The following SLC25A21 variants were observed in gnomAD, a reference collection of about 807,000 sequenced individuals.
SLC25A21 encodes the protein solute carrier family 25 member 21, also known as mitochondrial 2-oxodicarboxylate carrier.
A neutral mutation model predicts 43.8 loss-of-function variants in SLC25A21; 47 were observed. That is an observed-to-expected ratio of 1.07 (90% CI 0.85 to 1.37). SLC25A21 has a LOEUF of 1.37. Among genes scored for constraint, SLC25A21 ranks in the 40% most tolerant of loss-of-function variants. The pLI, the probability that SLC25A21 is intolerant of heterozygous loss-of-function variation, is 0.00. For missense variants in SLC25A21, 352 were observed against 350.2 expected, an observed-to-expected ratio of 1.00 and a Z score of -0.04; for synonymous variants, 131 against 121.3, an observed-to-expected ratio of 1.08 and a Z score of -0.52.
At chr14:36,985,681 T>A (rs76251030) in intron 1 of SLC25A21, among the ~76,000 whole-genome samples, 2,987 of 152,296 alleles carry the variant, frequency 0.02, 96 homozygotes, top group African/African-American at 0.068. Flanking sequence ...ACATTGCTGT[T>A]TCTTCATTTA....
At chr14:36,801,976 G>C (rs1453720226) in intron 3 of SLC25A21, among the ~76,000 whole-genome samples, 1 of 152,154 alleles carries the variant, frequency 6.6e-6, no homozygotes, top group Non-Finnish European at 1.5e-5. Flanking sequence ...TCATTTGCCA[G>C]CGGCGAAGTG....
At chr14:36,736,691 G>C (rs998758113) in intron 3 of SLC25A21, among the ~76,000 whole-genome samples, 1 of 152,182 alleles carries the variant, frequency 6.6e-6, no homozygotes, top group East Asian at 1.9e-4. Context: ...CAGATCAACA[G>C]AGGAACTTGA....
At chr14:36,968,658 T>C (rs1359812973) in intron 1 of SLC25A21, among the ~76,000 whole-genome samples, 1 of 152,160 alleles carries the variant, frequency 6.6e-6, no homozygotes, top group Admixed American at 6.6e-5. Flanking sequence ...CCAACTGTTT[T>C]GTCTCCTGAG....
intron 3 of SLC25A21, among the ~76,000 whole-genome samples, chr14:36,788,436 G>C (rs1887328617): frequency 6.6e-6 from 1 of 150,724 alleles, no homozygotes; most frequent in Non-Finnish European, 1.5e-5. Flanking sequence ...AAAGAGTGGC[G>C]ATCATGAAAG....
At chr14:36,706,735 C>A (rs1357787507) in intron 7 of SLC25A21, among the ~76,000 whole-genome samples, 7 of 152,194 alleles carry the variant, frequency 4.6e-5, no homozygotes, top group African/African-American at 1.7e-4. Flanking sequence ...CCACATCCTG[C>A]AGATTCTGCC....
chr14:36,821,702 A>C (rs1473169160), intron 2 of SLC25A21, among the ~76,000 whole-genome samples: 1 of 152,146 alleles, frequency 6.6e-6, no homozygotes, highest in Non-Finnish European at 1.5e-5. Flanking sequence ...CTGTTATCCC[A>C]GCTACTCAGG....
At chr14:37,069,869 A>G (rs1213710100) in intron 1 of SLC25A21, among the ~76,000 whole-genome samples, 1 of 152,190 alleles carries the variant, frequency 6.6e-6, no homozygotes, top group African/African-American at 2.4e-5. Flanking sequence ...GCTCAAGAAA[A>G]GGCTTGACAC....
At chr14:36,730,979 T>G (rs949325151) in intron 4 of SLC25A21, among the ~76,000 whole-genome samples, 2 of 151,784 alleles carry the variant, frequency 1.3e-5, no homozygotes, top group East Asian at 1.9e-4. Flanking sequence ...TTAGGTTTTT[T>G]TTTTTTTTTT....
chr14:36,894,242 G>A (rs189101135), intron 1 of SLC25A21, among the ~76,000 whole-genome samples: 2 of 151,926 alleles, frequency 1.3e-5, no homozygotes, highest in African/African-American at 2.4e-5. Context: ...TTCTCCTTGA[G>A]GAGGTCCTTC....
chr14:36,912,292 C>T lies in SLC25A21; in HGVS notation c.71-37288G>A, dbSNP rs544945082. On this transcript the variant is annotated intron_variant, in intron 1 of 9. Transcript: ENST00000331299. ...GCTAAGCAGTCTACATACTTTTGTTCTCCACGGCCACCAGATATGAGAATG... is the reference window on the plus strand; with the variant it reads ...GCTAAGCAGTCTACATACTTTTGTTTTCCACGGCCACCAGATATGAGAATG... Among the ~76,000 whole-genome samples, 4 of 152,276 alleles carry T rather than the reference C, an allele frequency of 2.6e-5. No individual in the cohort carries two copies. The East Asian group carries it at 7.7e-4, about 29-fold the overall frequency.
intron 1 of SLC25A21, chr14:36,952,344 T>C (rs922168010): frequency 9.1e-5 from 14 of 153,808 alleles, no homozygotes; most frequent in African/African-American, 3.4e-4. Context: ...TAGAAACAAA[T>C]AGAAATTTAT....
intron 2 of SLC25A21, among the ~76,000 whole-genome samples, chr14:36,825,325 G>T (rs115027053): frequency 6.6e-6 from 1 of 152,030 alleles, no homozygotes; most frequent in Non-Finnish European, 1.5e-5. Flanking sequence ...ATTATGTCAT[G>T]AACGCATACT....
chr14:37,031,557 T>A (rs188622682), intron 1 of SLC25A21, among the ~76,000 whole-genome samples: 78 of 152,304 alleles, frequency 5.1e-4, no homozygotes, highest in African/African-American at 1.8e-3. Flanking sequence ...GGTATCTCAT[T>A]ACTTGATGTT....
chr14:36,873,929 CA>C (rs1890446095), intron 2 of SLC25A21, among the ~76,000 whole-genome samples: 1 of 152,100 alleles, frequency 6.6e-6, no homozygotes. Flanking sequence ...TCCTAGCCAC[CA>C]AAACTGTAAA....
In SLC25A21 at chr14:36,922,274, T is replaced by C. The variant is rs533341297; in HGVS notation, c.71-47270A>G. Among the ~76,000 whole-genome samples the C allele has an allele frequency of 7.9e-5, 12 of 152,234 alleles. No individual in the cohort carries two copies. In the South Asian group the frequency reaches 2.5e-3, roughly 32 times the overall value. ...AACTGGACAAAATATGGAGCAACTA[T>C]TTTCAGAAAATGGATAAGCGGCAGT... is the stretch of plus-strand genomic sequence containing the variant. On this transcript the variant is annotated intron_variant, in intron 1 of 9. Coordinates refer to ENST00000331299, the MANE Select transcript of SLC25A21 (RefSeq NM_030631.4).
intron 1 of SLC25A21, among the ~76,000 whole-genome samples, chr14:37,137,606 C>T (rs1371839809): frequency 6.6e-6 from 1 of 152,068 alleles, no homozygotes; most frequent in African/African-American, 2.4e-5. Flanking sequence ...ATCATTTGTG[C>T]CAGCTGCCTG....
intron 2 of SLC25A21, among the ~76,000 whole-genome samples, chr14:36,851,816 A>C (rs200171577): frequency 6.6e-6 from 1 of 152,162 alleles, no homozygotes; most frequent in East Asian, 1.9e-4. Context: ...GAACCCTATG[A>C]AAGGTTGCTT....
At chr14:36,920,576 C>T (rs1025285918) in intron 1 of SLC25A21, among the ~76,000 whole-genome samples, 1 of 151,982 alleles carries the variant, frequency 6.6e-6, no homozygotes, top group African/African-American at 2.4e-5. Context: ...TTAAACATCC[C>T]TAGAAGTGTC....
chr14:36,923,347 A>G (rs1418869760), intron 1 of SLC25A21, among the ~76,000 whole-genome samples: 6 of 152,192 alleles, frequency 3.9e-5, no homozygotes, highest in Non-Finnish European at 8.8e-5. Context: ...AATATATTTT[A>G]AAAACAAGAG....
Sources: allele counts gnomAD v4.1 joint callset (sites outside exome capture counted in the v4.1 genomes callset), GRCh38; gene constraint gnomAD v4.1.1; transcripts MANE v1.5; gene names NCBI Gene and HGNC (gene_info 2026-07-23, HGNC 2026-07-21).